Variants in SORCS1 observed in about 807,000 individuals in gnomAD.
The protein encoded by SORCS1 is VPS10 domain-containing receptor SorCS1.
In SORCS1, 60 loss-of-function variants were observed where a neutral mutation model predicts 146.1. The ratio of observed to expected loss-of-function variants is 0.41; its 90% CI spans 0.33 to 0.51. The LOEUF is 0.51. SORCS1 is among the 20% of genes least tolerant of loss of function. The pLI, the probability that SORCS1 is intolerant of heterozygous loss-of-function variation, is 0.21. For missense variants in SORCS1, 1,352 were observed against 1,487.6 expected (o/e 0.91, Z 1.50); for synonymous variants, 637 against 584.0 (o/e 1.09, Z -1.31).
At chr10:106,705,423 T>C (rs1854447705) in intron 8 of SORCS1, among the ~76,000 whole-genome samples, 2 of 152,168 alleles carry the variant, frequency 1.3e-5, no homozygotes, top group Admixed American at 6.5e-5. Flanking sequence ...AGGCGTGCTG[T>C]GTCCTTGTGT....
chr10:106,595,638 T>C (rs1376523695), intron 24 of SORCS1, among the ~76,000 whole-genome samples: 1 of 152,070 alleles, frequency 6.6e-6, no homozygotes, highest in Non-Finnish European at 1.5e-5. Flanking sequence ...AGGTAAGAAG[T>C]CAGTGGTCAG....
chr10:107,147,502 C>G (rs115119190), intron 1 of SORCS1, among the ~76,000 whole-genome samples: 3,132 of 152,270 alleles, frequency 0.021, 49 homozygotes, highest in African/African-American at 0.033. Flanking sequence ...TTCTCTCTCT[C>G]TCTGTCTCTC....
chr10:107,026,305 G>C (rs1031200613), intron 1 of SORCS1, among the ~76,000 whole-genome samples: 11 of 152,272 alleles, frequency 7.2e-5, no homozygotes, highest in African/African-American at 1.9e-4. Flanking sequence ...GCTTGTAGTA[G>C]AGGCTACTCC....
chr10:106,670,738 T>G (rs973162824), intron 16 of SORCS1, among the ~76,000 whole-genome samples: 1 of 149,748 alleles, frequency 6.7e-6, no homozygotes, highest in Non-Finnish European at 1.5e-5. Context: ...TCTGACGCCA[T>G]GCTGGAGTGC....
intron 6 of SORCS1, among the ~76,000 whole-genome samples, chr10:106,716,503 C>G (rs1341250628): frequency 6.6e-6 from 1 of 152,146 alleles, no homozygotes; most frequent in East Asian, 1.9e-4. Flanking sequence ...CCACTGCTGC[C>G]AAAACAAAAC....
At chr10:106,766,137 A>G (rs980994188) in intron 4 of SORCS1, among the ~76,000 whole-genome samples, 5 of 152,124 alleles carry the variant, frequency 3.3e-5, no homozygotes, top group African/African-American at 1.2e-4. Context: ...GTTGGCGGAA[A>G]ACATCCTGCT....
intron 5 of SORCS1, among the ~76,000 whole-genome samples, chr10:106,730,600 CAG>C (rs1322375179): frequency 2.6e-5 from 4 of 152,290 alleles, no homozygotes; most frequent in African/African-American, 7.2e-5. Flanking sequence ...GCAGTTACAG[CAG>C]AGTGATGATT....
chr10:106,691,570 G>A (rs988694595), intron 9 of SORCS1, among the ~76,000 whole-genome samples: 11 of 152,004 alleles, frequency 7.2e-5, no homozygotes, highest in Admixed American at 3.9e-4. Flanking sequence ...AAAGTACATC[G>A]GTGCATTTCC....
At chr10:106,746,597 A>G (rs1202029945) in intron 5 of SORCS1, among the ~76,000 whole-genome samples, 2 of 152,194 alleles carry the variant, frequency 1.3e-5, no homozygotes, top group Non-Finnish European at 2.9e-5. Flanking sequence ...TTCATTTTTC[A>G]AAAAAGTGTT....
intron 3 of SORCS1, among the ~76,000 whole-genome samples, chr10:106,783,564 G>T (rs963093743): frequency 6.6e-6 from 1 of 151,912 alleles, no homozygotes; most frequent in Non-Finnish European, 1.5e-5. Context: ...ATATTGCCTA[G>T]ATGAAAAAAA....
intron 1 of SORCS1, among the ~76,000 whole-genome samples, chr10:107,112,080 T>C (rs1441719304): frequency 2.6e-5 from 4 of 152,116 alleles, no homozygotes; most frequent in African/African-American, 9.7e-5. Context: ...TAAGCTTAAG[T>C]ATGTAGTCAA....
intron 2 of SORCS1, among the ~76,000 whole-genome samples, chr10:106,875,261 G>A (rs889917974): frequency 6.6e-6 from 1 of 152,122 alleles, no homozygotes; most frequent in Admixed American, 6.6e-5. Flanking sequence ...ATGGCTTCAA[G>A]CTCTATTCAA....
At chr10:106,686,384 T>C (rs531551697) in intron 10 of SORCS1, among the ~76,000 whole-genome samples, 1 of 152,076 alleles carries the variant, frequency 6.6e-6, no homozygotes, top group Non-Finnish European at 1.5e-5. Flanking sequence ...GATGCCAGAG[T>C]CCCCAGGCAA....
chr10:106,743,975 G>A (rs1199194404), intron 5 of SORCS1, among the ~76,000 whole-genome samples: 1 of 151,916 alleles, frequency 6.6e-6, no homozygotes, highest in Non-Finnish European at 1.5e-5. Flanking sequence ...ATCATATCAC[G>A]AACACAGCGT....
At chr10:107,143,814 A>AT (rs901825144) in intron 1 of SORCS1, among the ~76,000 whole-genome samples, 44 of 150,532 alleles carry the variant, frequency 2.9e-4, no homozygotes, top group East Asian at 1.4e-3. Context: ...TAATTTTCCT[A>AT]TTTTTTTTGT....
In SORCS1 at chr10:107,147,971, C is replaced by A. The variant is rs78560543; in HGVS notation, c.558+15998G>T. On this transcript the variant is annotated intron_variant, in intron 1 of 25. Transcript: ENST00000263054. ...AAATCGTCAGACAGGAGGTGATATC[C>A]AAATGAGGACTTAAATAATGGAAAG... 2.5e-3 allele frequency among the ~76,000 whole-genome samples: 375 copies of A among 152,164 alleles called. 1 individual carries two copies. The highest frequency in any genetic ancestry group is 4.0e-3 in the Non-Finnish European group (275 of 68,004).
At chr10:106,962,926 C>T (rs774546248) in intron 1 of SORCS1, among the ~76,000 whole-genome samples, 7 of 152,052 alleles carry the variant, frequency 4.6e-5, no homozygotes, top group African/African-American at 7.2e-5. Flanking sequence ...GTCCAAGCTC[C>T]GATAGCTACC....
intron 1 of SORCS1, among the ~76,000 whole-genome samples, chr10:107,129,928 T>C (rs12260673): frequency 0.067 from 10,227 of 152,282 alleles, 725 homozygotes; most frequent in East Asian, 0.35. Flanking sequence ...TTGATGTATG[T>C]TTATCCATTA....
intron 19 of SORCS1, among the ~76,000 whole-genome samples, chr10:106,625,986 C>T (rs574726830): frequency 2.0e-4 from 31 of 152,314 alleles, no homozygotes; most frequent in Admixed American, 4.6e-4. Context: ...TACCAACTGT[C>T]AGGCTACAGG....
Sources: allele counts gnomAD v4.1 joint callset (sites outside exome capture counted in the v4.1 genomes callset), GRCh38; gene constraint gnomAD v4.1.1; transcripts MANE v1.5; gene names NCBI Gene and HGNC (gene_info 2026-07-23, HGNC 2026-07-21).